The following NAV1 variants were observed in gnomAD, a reference collection of about 807,000 sequenced individuals.
NAV1 encodes neuron navigator 1.
In NAV1, 18 loss-of-function variants were observed where a neutral mutation model predicts 175.2. The observed-to-expected ratio is 0.10, with a 90% CI of 0.07 to 0.15. The LOEUF is 0.15. Ranked by LOEUF, NAV1 falls within the 10% of genes least tolerant of loss-of-function variation. The pLI is 1.00. For missense variants in NAV1, 1,731 were observed against 2,436.6 expected (o/e 0.71, Z 6.10); for synonymous variants, 897 against 978.7 (o/e 0.92, Z 1.56).
chr1:201,754,345 A>G (rs1478605068), intron 3 of NAV1, among the ~76,000 whole-genome samples: 1 of 152,226 alleles, frequency 6.6e-6, no homozygotes, highest in Non-Finnish European at 1.5e-5. Flanking sequence ...GGAAGAAGGA[A>G]TCTGGATAAG....
intron 3 of NAV1, among the ~76,000 whole-genome samples, chr1:201,777,937 AAGAGAG>A (rs901589563): frequency 6.6e-6 from 1 of 151,702 alleles, no homozygotes; most frequent in South Asian, 2.1e-4. Flanking sequence ...GAAAGAAAGA[AAGAGAG>A]AGAGAGAGGA....
chr1:201,770,963 GA>G (rs901508401), intron 3 of NAV1, among the ~76,000 whole-genome samples: 15 of 152,248 alleles, frequency 9.9e-5, no homozygotes, highest in Non-Finnish European at 2.1e-4. Context: ...GGAGGGTAGA[GA>G]AAGACCCCCT....
chr1:201,638,716 G>A (rs1400293052), intron 2 of NAV1, among the ~76,000 whole-genome samples: 2 of 152,230 alleles, frequency 1.3e-5, no homozygotes, highest in Non-Finnish European at 2.9e-5. Context: ...CCTGCTGTGT[G>A]GTCTTGGGCA....
At chr1:201,798,511 C>T (rs1677599707) in intron 15 of NAV1, 1 of 149,932 alleles carries the variant, frequency 6.7e-6, no homozygotes, top group South Asian at 2.1e-4. Flanking sequence ...ACTCCAGAGG[C>T]TGAGTCTGGA....
chr1:201,804,575 C>T, intron 17 of NAV1, 78 bp downstream of exon 21: 1 of 978,170 alleles, frequency 1.0e-6, no homozygotes, highest in Non-Finnish European at 1.5e-6. Flanking sequence ...CAACTCCCTT[C>T]CCCTAAAAAA....
At chr1:201,730,954 A>T (rs1167006957) in intron 3 of NAV1, among the ~76,000 whole-genome samples, 1 of 152,186 alleles carries the variant, frequency 6.6e-6, no homozygotes, top group East Asian at 1.9e-4. Flanking sequence ...GGGTCCAAAG[A>T]TGCTGAAGGA....
At chr1:201,636,107 G>C (rs899001883) in intron 2 of NAV1, among the ~76,000 whole-genome samples, 7 of 152,242 alleles carry the variant, frequency 4.6e-5, no homozygotes, top group Non-Finnish European at 8.8e-5. Context: ...CCCCATGCCT[G>C]GGCAGAGATT....
intron 3 of NAV1, chr1:201,739,265 C>T (rs1200833323): frequency 6.6e-6 from 1 of 152,274 alleles, no homozygotes; most frequent in African/African-American, 2.4e-5. Context: ...GCCCCACCCC[C>T]TGAGGTTGTT....
intron 1 of NAV1, among the ~76,000 whole-genome samples, chr1:201,627,984 T>G (rs1215054888): frequency 6.6e-6 from 1 of 151,248 alleles, no homozygotes; most frequent in East Asian, 1.9e-4. Flanking sequence ...ACAAAAAATA[T>G]GAAAATCAGC....
intron 3 of NAV1, among the ~76,000 whole-genome samples, chr1:201,721,921 C>T (rs1050446276): frequency 6.6e-6 from 1 of 152,206 alleles, no homozygotes; most frequent in South Asian, 2.1e-4. Context: ...AGTCAGCTCT[C>T]CCTACTCCCT....
At position 201,782,371 on chromosome 1, in the gene NAV1, T is replaced by C; in HGVS notation, c.1859T>C (p.Met620Thr). 1 of 1,614,112 alleles carries C rather than the reference T, an allele frequency of 6.2e-7. No individual in the cohort carries two copies. Among genetic ancestry groups the C allele is most frequent in the Non-Finnish European group, 8.5e-7 (1 of 1,179,994 alleles). ...CCTGCCACAGGCACAGCCACTGTCA[T>C]GCAAACTGGTGGTTCAGCCACTCTC... Residue 620 changes from methionine to threonine, a missense_variant, in exon 6 of 30, where the codon ATG (methionine) becomes ACG (threonine). Physicochemically the swap from Met to Thr is moderately conservative, Grantham distance 81 (BLOSUM62 -1). Coordinates refer to ENST00000367296, the Ensembl canonical transcript of NAV1. This position sits in a 1 kb window ranked among gnomAD's most constrained non-coding sequence, Gnocchi z 5.4.
chr1:201,603,891 A>G (rs1219628545), intron 2 of NAV1, among the ~76,000 whole-genome samples: 2 of 152,154 alleles, frequency 1.3e-5, no homozygotes, highest in African/African-American at 4.8e-5. Context: ...TTTCAATTCT[A>G]GTCATAATAA....
Position 201,782,937 on chromosome 1 carries a change from C to G in NAV1, c.2357+68C>G, listed in dbSNP as rs1374011498. The G allele has an allele frequency of 5.8e-6, 8 of 1,377,950 alleles. No individual in the cohort carries two copies. The highest frequency in any genetic ancestry group is 7.9e-6 in the Non-Finnish European group (8 of 1,011,746). The allele number at this position is 1,377,950 out of a possible 1,614,324, so 85.4% of individuals were successfully genotyped here. A position where few individuals can be genotyped will look rare whatever the true frequency, so the allele number is the denominator to read the frequency against. On this transcript the variant is annotated intron_variant, in intron 6 of 29. Transcript: ENST00000367296. This position sits in a 1 kb window ranked among gnomAD's most constrained non-coding sequence, Gnocchi z 5.4. ...CATTCTTTCGCATATCTCTGCCCTC[C>G]TTGGACTAGATGAGGCATGGCCTAT...
chr1:201,615,954 A>G (rs904318137), intron 2 of NAV1, among the ~76,000 whole-genome samples: 1 of 152,092 alleles, frequency 6.6e-6, no homozygotes, highest in Non-Finnish European at 1.5e-5. Flanking sequence ...AGAATGAGGC[A>G]GCTCAGCCTC....
chr1:201,781,314 G>A lies in NAV1; in HGVS notation c.1663+5G>A. On this transcript the variant is annotated splice_donor_5th_base_variant and intron_variant, in intron 5 of 29. Transcript: ENST00000367296. ...AGAGTGCCCTCAAAGTCGCAGGTGA[G>A]CCTGGAATAAAGGAAGGTACAAGGG... 2 of 1,601,668 alleles carry A rather than the reference G, an allele frequency of 1.2e-6. No individual in the cohort carries two copies. The highest frequency in any genetic ancestry group is 1.7e-6 in the Non-Finnish European group (2 of 1,174,426).
At chr1:201,655,170 AC>A (rs1372861546) in intron 1 of NAV1, among the ~76,000 whole-genome samples, 1 of 152,064 alleles carries the variant, frequency 6.6e-6, no homozygotes, top group Non-Finnish European at 1.5e-5. Context: ...CCTGGACCCC[AC>A]TGTCTGCATC....
chr1:201,770,726 C>T (rs1645181812), intron 3 of NAV1, among the ~76,000 whole-genome samples: 1 of 152,138 alleles, frequency 6.6e-6, no homozygotes. Context: ...TTGAAGGCCA[C>T]ATGTAGGCTG....
chr1:201,809,981 G>A, exon 23 of NAV1: 3 of 1,613,790 alleles, frequency 1.9e-6, no homozygotes, highest in Middle Eastern at 1.6e-4. Flanking sequence ...CCTCTACCCT[G>A]GGACTAAGCA....
intron 3 of NAV1, among the ~76,000 whole-genome samples, chr1:201,759,511 G>T (rs990972063): frequency 2.6e-5 from 4 of 152,198 alleles, no homozygotes; most frequent in Admixed American, 2.0e-4. Context: ...ATTTAAGGTG[G>T]TTTTCCAGAG....
Sources: gnomAD v4.1 joint callset for allele counts (sites outside exome capture counted in the v4.1 genomes callset) on GRCh38, gnomAD v4.1.1 for gene constraint, Gnocchi (gnomAD v3.1) non-coding constraint, MANE v1.5 for transcripts, NCBI Gene and HGNC (gene_info 2026-07-23, HGNC 2026-07-21) for gene names.